The following ROCK2 variants were observed in gnomAD, a reference collection of about 807,000 sequenced individuals.
The protein encoded by ROCK2 is Rho associated coiled-coil containing protein kinase 2.
ROCK2 carries 61 observed loss-of-function variants against 195.1 expected under a neutral mutation model. The observed-to-expected ratio is 0.31, with a 90% CI of 0.25 to 0.39. The LOEUF is 0.39. Among genes scored for constraint, ROCK2 ranks in the 10% least tolerant of loss-of-function variants. The pLI is 1.00. For missense variants in ROCK2, 1,109 were observed against 1,637.4 expected (o/e 0.68, Z 5.57); for synonymous variants, 504 against 545.5 (o/e 0.92, Z 1.06).
chr2:11,281,730 A>G lies in ROCK2; in HGVS notation c.324+4809T>C, dbSNP rs577060540. ...ATGAGCAATGAAAAAGTGGAATTTGAAATTAAAAACACAGTACCATTTACA... is the reference window on the plus strand; with the variant it reads ...ATGAGCAATGAAAAAGTGGAATTTGGAATTAAAAACACAGTACCATTTACA... On this transcript the variant is annotated intron_variant, in intron 3 of 32. Coordinates refer to ENST00000315872, the MANE Select transcript of ROCK2 (RefSeq NM_004850.5). Among the ~76,000 whole-genome samples, 8 of 152,352 alleles carry G rather than the reference A, an allele frequency of 5.3e-5. No individual in the cohort carries two copies. The East Asian group carries it at 1.5e-3, about 29-fold the overall frequency.
At chr2:11,312,634 G>A (rs930799357) in intron 1 of ROCK2, among the ~76,000 whole-genome samples, 5 of 152,034 alleles carry the variant, frequency 3.3e-5, no homozygotes, top group Admixed American at 3.3e-4. Context: ...TGTTATTGCT[G>A]AGAATAGATG....
intron 1 of ROCK2, among the ~76,000 whole-genome samples, chr2:11,291,151 C>A (rs61452244): frequency 0.011 from 1,632 of 152,286 alleles, 25 homozygotes; most frequent in African/African-American, 0.037. Flanking sequence ...ATAAAATGGT[C>A]TATTTTTCTA....
At position 11,198,886 on chromosome 2, in the gene ROCK2, T is replaced by TTC; in HGVS notation, c.2911-113_2911-112insGA. ...TATTGTTAAACCTCTTATTTTTCTTTTTTTTTTTTTTTTGAGACAGAGTCT... is the reference window on the plus strand; with the variant it reads ...TATTGTTAAACCTCTTATTTTTCTTTTCTTTTTTTTTTTTTGAGACAGAGTCT... On this transcript the variant is annotated intron_variant, in intron 23 of 32. Coordinates refer to ENST00000315872, the MANE Select transcript of ROCK2 (RefSeq NM_004850.5). The TTC allele has an allele frequency of 3.9e-5, 23 of 593,502 alleles. No homozygotes were observed. The East Asian group carries it at 6.2e-4, about 16-fold the overall frequency. The allele number at this position is 593,502 out of a possible 1,614,324, so 36.8% of individuals were successfully genotyped here.
In ROCK2 at chr2:11,342,698, A is replaced by G. The variant is rs1572433744; in HGVS notation, c.141+1298T>C. 3.3e-5 allele frequency among the ~76,000 whole-genome samples: 5 copies of G among 152,352 alleles called. 1 individual carries two copies. In the South Asian group the frequency reaches 1.0e-3, roughly 32 times the overall value. ...CATGCAAGCAATCTTACTCCCGATT[A>G]AAGACTTTCAAAGACTGCTCCCATT... On this transcript the variant is annotated intron_variant, in intron 1 of 32. Coordinates refer to ENST00000315872, the MANE Select transcript of ROCK2 (RefSeq NM_004850.5).
chr2:11,256,971 G>A (rs1434859134), intron 3 of ROCK2, among the ~76,000 whole-genome samples: 1 of 151,154 alleles, frequency 6.6e-6, no homozygotes, highest in Non-Finnish European at 1.5e-5. Flanking sequence ...TTTAATGCAG[G>A]GATAGTAGGC....
At chr2:11,334,628 T>TGAA (rs1362193812) in intron 1 of ROCK2, among the ~76,000 whole-genome samples, 1 of 139,508 alleles carries the variant, frequency 7.2e-6, no homozygotes, top group Non-Finnish European at 1.7e-5. Flanking sequence ...AAAAATAAAC[T>TGAA]CAAAAGCCAA....
chr2:11,287,473 T>C (rs1372622886), intron 2 of ROCK2, among the ~76,000 whole-genome samples, 182 bp downstream of exon 2: 1 of 152,158 alleles, frequency 6.6e-6, no homozygotes, highest in Non-Finnish European at 1.5e-5. Flanking sequence ...TGTAATTCGG[T>C]TCTGCAATTG....
Position 11,227,239 on chromosome 2 carries a change from A to G in ROCK2, c.868+15T>C. Reference sequence around the variant, plus strand: ...AAGAAGCATTTTGAAAAAAGAAGTTAAAATATTTACTTACCCACTAGCATC... The same window carrying G: ...AAGAAGCATTTTGAAAAAAGAAGTTGAAATATTTACTTACCCACTAGCATC... On this transcript the variant is annotated intron_variant, in intron 6 of 32. Transcript: ENST00000315872. 6.3e-7 allele frequency: 1 copy of G among 1,597,648 alleles called. No individual in the cohort carries two copies.
rs199867337 is a variant in ROCK2 at position 11,344,016 on chromosome 2, T to C, written c.121A>G (p.Ile41Val). Residue 41 changes from isoleucine (I) to valine (V), a missense_variant, in exon 1 of 33, where the codon ATC (isoleucine) becomes GTC (valine). Physicochemically the swap from Ile to Val is conservative, Grantham distance 29 (BLOSUM62 3). Around this residue, in one of 6 missense-constraint regions of ROCK2, gnomAD observed 64 missense variants for 62.4 expected, o/e 1.03. Transcript: ENST00000315872. The surrounding 1 kb of genome is among the most constrained non-coding windows in gnomAD (Gnocchi z 5.4). ...CCTACCAGCAAGCTCTCCACGTTGA[T>C]GGGGGAGCGAGGGTCTCGGATCAGC... ...EALIRDPRSP[I>V]NVESLLDGLN... 1.9e-3 allele frequency: 3,080 copies of C among 1,589,442 alleles called. 6 individuals are homozygous for C. Among genetic ancestry groups the C allele is most frequent in the Non-Finnish European group, 2.5e-3 (2,899 of 1,169,340 alleles).
Position 11,221,223 on chromosome 2 carries a change from C to G in ROCK2, c.1234G>C (p.Gly412Arg). The change falls in exon 9 of 33, where the codon GGA (glycine) becomes CGA (arginine). Residue 412 changes from glycine to arginine, a missense_variant. Coordinates refer to ENST00000315872, the MANE Select transcript of ROCK2 (RefSeq NM_004850.5). Reference protein sequence around the residue: ...AFVGNQLPFIGFTYYRENLLL... With the variant: ...AFVGNQLPFIRFTYYRENLLL... Reference sequence around the variant, plus strand: ...AAATTTTCTCTATAGTAGGTAAATCCGATGAAAGGCAGCTGATTTCCAACA... The same window carrying G: ...AAATTTTCTCTATAGTAGGTAAATCGGATGAAAGGCAGCTGATTTCCAACA... 1 of 1,574,946 alleles carries G rather than the reference C, an allele frequency of 6.3e-7. No homozygotes were observed. The highest frequency in any genetic ancestry group is 2.3e-5 in the East Asian group (1 of 42,930).
At position 11,344,378 on chromosome 2, in the gene ROCK2, G is replaced by T. The variant is rs1433933020; in HGVS notation, c.-242C>A. 1 of 1,145,164 alleles carries T rather than the reference G, an allele frequency of 8.7e-7. No individual in the cohort carries two copies. Among genetic ancestry groups the T allele is most frequent in the Non-Finnish European group, 1.1e-6 (1 of 932,804 alleles). 70.9% of individuals were successfully genotyped at this position (1,145,164 alleles called of 1,614,324 possible). ...CCGGGAGCGGCGGGGAACAGACGGC[G>T]TCCCCGCCCCTCAGTCAGATTCGCG... On this transcript the variant is annotated 5_prime_UTR_variant, in exon 1 of 33. Coordinates refer to ENST00000315872, the MANE Select transcript of ROCK2 (RefSeq NM_004850.5). This position sits in a 1 kb window ranked among gnomAD's most constrained non-coding sequence, Gnocchi z 5.4.
At chr2:11,191,624 T>C (rs1663426785) in intron 32 of ROCK2, among the ~76,000 whole-genome samples, 1 of 152,212 alleles carries the variant, frequency 6.6e-6, no homozygotes, top group African/African-American at 2.4e-5. Flanking sequence ...TAATTCTATC[T>C]TTTAAGTTAT....
At chr2:11,326,918 T>A (rs1436028354) in intron 1 of ROCK2, among the ~76,000 whole-genome samples, 10 of 152,170 alleles carry the variant, frequency 6.6e-5, no homozygotes, top group Non-Finnish European at 1.3e-4. Flanking sequence ...GGGGAGACCA[T>A]CCGGGGAGGA....
At chr2:11,219,269 C>A (rs555813445) in intron 9 of ROCK2, among the ~76,000 whole-genome samples, 5 of 127,114 alleles carry the variant, frequency 3.9e-5, no homozygotes, top group East Asian at 2.7e-4. Context: ...GAGGTCAAGG[C>A]GGGAAAGATC....
At chr2:11,245,628 C>A (rs867456429) in intron 4 of ROCK2, among the ~76,000 whole-genome samples, 2 of 152,092 alleles carry the variant, frequency 1.3e-5, no homozygotes, top group Middle Eastern at 3.2e-3. Flanking sequence ...AAAAGACAGA[C>A]CTACAAGCAC....
Position 11,344,049 on chromosome 2 carries a change from G to A in ROCK2, c.88C>T (p.Leu30=). 2 of 1,585,644 alleles carry A rather than the reference G, an allele frequency of 1.3e-6. No homozygotes were observed. The change falls in exon 1 of 33, where the codon CTG becomes TTG. Residue 30 remains leucine, a synonymous_variant. Coordinates refer to ENST00000315872, the MANE Select transcript of ROCK2 (RefSeq NM_004850.5). This position sits in a 1 kb window ranked among gnomAD's most constrained non-coding sequence, Gnocchi z 5.4. ...DGAGASRQRK[L]EALIRDPRSP... ...CGAGGGTCTCGGATCAGCGCCTCCA[G>A]CTTCCTCTGGCGGCTCGCGCCTGCC... is the stretch of plus-strand genomic sequence containing the variant.
chr2:11,242,945 G>A (rs891368601), intron 4 of ROCK2, among the ~76,000 whole-genome samples: 1 of 152,180 alleles, frequency 6.6e-6, no homozygotes, highest in Non-Finnish European at 1.5e-5. Flanking sequence ...TCTCCTTTGT[G>A]TTCTAACATC....
intron 1 of ROCK2, among the ~76,000 whole-genome samples, chr2:11,297,342 T>C (rs1667567885): frequency 6.6e-6 from 1 of 152,108 alleles, no homozygotes; most frequent in Non-Finnish European, 1.5e-5. Flanking sequence ...AAGTTTTTTG[T>C]GGTGAAATTT....
At chr2:11,289,448 T>C (rs887750713) in intron 1 of ROCK2, among the ~76,000 whole-genome samples, 3 of 152,240 alleles carry the variant, frequency 2.0e-5, no homozygotes, top group African/African-American at 4.8e-5. Flanking sequence ...AGACTTATAC[T>C]CTGTATTACA....
Sources: gnomAD v4.1 joint callset for allele counts (sites outside exome capture counted in the v4.1 genomes callset) on GRCh38, gnomAD v4.1.1 for gene constraint, gnomAD v4.1.1 regional missense constraint, Gnocchi (gnomAD v3.1) non-coding constraint, MANE v1.5 for transcripts, NCBI Gene and HGNC (gene_info 2026-07-23, HGNC 2026-07-21) for gene names.